Variants in LIFR observed in about 807,000 individuals in gnomAD.
LIFR encodes the protein leukemia inhibitory factor receptor.
LIFR carries 84 observed loss-of-function variants against 122.2 expected under a neutral mutation model. The ratio of observed to expected loss-of-function variants is 0.69; its 90% CI spans 0.58 to 0.82. LIFR has a LOEUF of 0.82. Ranked by LOEUF, LIFR falls within the 40% of genes least tolerant of loss-of-function variation. The pLI, the probability that LIFR is intolerant of heterozygous loss-of-function variation, is 0.00. For missense variants in LIFR, 1,294 were observed against 1,311.6 expected (o/e 0.99, Z 0.21); for synonymous variants, 422 against 434.7 (o/e 0.97, Z 0.36).
At chr5:38,528,912 C>G in intron 2 of LIFR, 72 bp from the exon 3 acceptor site, 1 of 914,550 alleles carries the variant, frequency 1.1e-6, no homozygotes, top group Non-Finnish European at 1.8e-6. Flanking sequence ...CTGAATAAGT[C>G]AACTGCACTC....
At chr5:38,568,524 G>A (rs1749103220) in intron 1 of LIFR, among the ~76,000 whole-genome samples, 1 of 152,142 alleles carries the variant, frequency 6.6e-6, no homozygotes, top group Non-Finnish European at 1.5e-5. Context: ...TTCTGCACAT[G>A]ATGGCAAGAT....
intron 16 of LIFR, among the ~76,000 whole-genome samples, chr5:38,487,297 ATT>A (rs1159778874): frequency 6.6e-6 from 1 of 152,194 alleles, no homozygotes; most frequent in Non-Finnish European, 1.5e-5. Flanking sequence ...AAATATCTGC[ATT>A]TCTCTCTCAC....
chr5:38,606,233 G>A (rs992055418), exon 2 of LIFR: 2 of 152,240 alleles, frequency 1.3e-5, no homozygotes, highest in Non-Finnish European at 2.9e-5. Flanking sequence ...ACAGAAAACA[G>A]TGTCAGCATT....
rs778811100 is a variant in LIFR at position 38,481,965 on chromosome 5, A to G, written c.2924T>C (p.Ile975Thr). 3 of 1,614,146 alleles carry G rather than the reference A, an allele frequency of 1.9e-6. No individual in the cohort carries two copies. Among genetic ancestry groups the G allele is most frequent in the South Asian group, 1.1e-5 (1 of 91,080 alleles). ...EAGGTAQVIY[I>T]DVQSMYQPQA... ...AGGCTGATACATCGACTGAACATCAATGTAAATAACCTGTGCAGTCCCTCC... is the reference window on the plus strand; with the variant it reads ...AGGCTGATACATCGACTGAACATCAGTGTAAATAACCTGTGCAGTCCCTCC... Residue 975 changes from isoleucine (I) to threonine (T), a missense_variant, in exon 20 of 20, where the codon ATT becomes ACT. Coordinates refer to ENST00000453190, the MANE Select transcript of LIFR (RefSeq NM_001127671.2).
intron 10 of LIFR, among the ~76,000 whole-genome samples, chr5:38,503,019 C>T (rs564897014): frequency 2.0e-4 from 30 of 152,042 alleles, no homozygotes; most frequent in African/African-American, 7.0e-4. Context: ...TGAAATTATG[C>T]CCTGTAATAG....
intron 1 of LIFR, among the ~76,000 whole-genome samples, chr5:38,554,301 TTA>T (rs1399674561): frequency 3.3e-5 from 5 of 152,134 alleles, no homozygotes; most frequent in Admixed American, 2.6e-4. Flanking sequence ...TACTGTGAAG[TTA>T]TATAGAAGCA....
chr5:38,603,961 C>G (rs868569360), intron 2 of LIFR, among the ~76,000 whole-genome samples: 48 of 152,306 alleles, frequency 3.2e-4, no homozygotes, highest in Middle Eastern at 3.4e-3. Flanking sequence ...CTAATGATCT[C>G]CAGCCACAAT....
intron 5 of LIFR, among the ~76,000 whole-genome samples, chr5:38,522,732 T>C (rs1008405743): frequency 1.3e-5 from 2 of 152,202 alleles, no homozygotes; most frequent in African/African-American, 4.8e-5. Flanking sequence ...AAATATAGAA[T>C]AATCTTTTTT....
chr5:38,588,137 A>G (rs999683204), intron 1 of LIFR, among the ~76,000 whole-genome samples: 3 of 152,226 alleles, frequency 2.0e-5, no homozygotes, highest in African/African-American at 4.8e-5. Context: ...CCAATATTCA[A>G]TATAATGCCA....
intron 4 of LIFR, among the ~76,000 whole-genome samples, chr5:38,525,882 A>G (rs1480254766): frequency 6.6e-6 from 1 of 152,206 alleles, no homozygotes; most frequent in Non-Finnish European, 1.5e-5. Context: ...TATTTTACTA[A>G]GACAACGCTC....
At chr5:38,531,725 A>C (rs981520029) in intron 1 of LIFR, among the ~76,000 whole-genome samples, 4 of 152,184 alleles carry the variant, frequency 2.6e-5, no homozygotes, top group African/African-American at 9.6e-5. Context: ...AGACTTGATA[A>C]AGGAAAGGAG....
At chr5:38,521,598 G>A (rs368567855) in intron 5 of LIFR, among the ~76,000 whole-genome samples, 41 of 152,284 alleles carry the variant, frequency 2.7e-4, no homozygotes, top group South Asian at 8.3e-4. Context: ...ATTCTTGAGC[G>A]TCCAGGTGGC....
At chr5:38,511,641 A>C in intron 6 of LIFR, 149 bp downstream of exon 6, 1 of 706,178 alleles carries the variant, frequency 1.4e-6, no homozygotes. Context: ...TTTGATCAAA[A>C]TCTCCAGGGA....
chr5:38,549,825 G>A (rs1748106029), intron 1 of LIFR, among the ~76,000 whole-genome samples: 1 of 152,116 alleles, frequency 6.6e-6, no homozygotes, highest in African/African-American at 2.4e-5. Flanking sequence ...AATTATTTTT[G>A]CAAATTAGAG....
chr5:38,486,092 C>A, intron 16 of LIFR, 112 bp from the exon 17 acceptor site: 1 of 937,534 alleles, frequency 1.1e-6, no homozygotes, highest in Admixed American at 2.0e-5. Context: ...TGAGGCCATC[C>A]CAGCCAAGGA....
chr5:38,597,034 T>C (rs1363218709), upstream of LIFR, among the ~76,000 whole-genome samples: 1 of 152,248 alleles, frequency 6.6e-6, no homozygotes, highest in Non-Finnish European at 1.5e-5. Context: ...AAGCCCAGCT[T>C]CTGATAAACA....
intron 1 of LIFR, among the ~76,000 whole-genome samples, chr5:38,589,026 C>G (rs1026950847): frequency 7.3e-6 from 1 of 136,784 alleles, no homozygotes; most frequent in African/African-American, 2.8e-5. Context: ...GAGATGGAGT[C>G]TCACTCTGTT....
upstream of LIFR, among the ~76,000 whole-genome samples, chr5:38,597,175 C>A (rs1750120165): frequency 6.6e-6 from 1 of 152,202 alleles, no homozygotes; most frequent in African/African-American, 2.4e-5. Flanking sequence ...CTCAGCCAGG[C>A]CACAGTCCCC....
chr5:38,492,983 T>C (rs989166776), intron 14 of LIFR, among the ~76,000 whole-genome samples: 1 of 152,190 alleles, frequency 6.6e-6, no homozygotes, highest in African/African-American at 2.4e-5. Context: ...CTGCATCCCA[T>C]AGAGGGACAC....
Sources: allele counts gnomAD v4.1 joint callset (sites outside exome capture counted in the v4.1 genomes callset), GRCh38; gene constraint gnomAD v4.1.1; transcripts MANE v1.5; gene names NCBI Gene and HGNC (gene_info 2026-07-23, HGNC 2026-07-21).